CNTN4: variants seen among roughly 807,000 people sequenced by gnomAD.
CNTN4 encodes the protein contactin-4.
Under a neutral mutation model 122.5 loss-of-function variants are expected in CNTN4, and 77 were observed. That is an observed-to-expected ratio of 0.63 (90% CI 0.52 to 0.76). CNTN4 has a LOEUF of 0.76. Among genes scored for constraint, CNTN4 ranks in the 30% least tolerant of loss-of-function variants. The pLI, the probability that CNTN4 is intolerant of heterozygous loss-of-function variation, is 0.00. For synonymous variants in CNTN4, 512 were observed against 447.0 expected, an observed-to-expected ratio of 1.15 and a Z score of -1.83; for missense variants, 1,256 against 1,259.1, an observed-to-expected ratio of 1.00 and a Z score of 0.04.
rs535039060 is a variant in CNTN4, at chr3:2,297,997, G to C, written c.-144-41181G>C. Among the ~76,000 whole-genome samples, 22 of 152,328 alleles carry C rather than the reference G, an allele frequency of 1.4e-4. 1 individual carries two copies. In the East Asian group the frequency reaches 2.9e-3, roughly 20 times the overall value. On this transcript the variant is annotated intron_variant, in intron 2 of 24. Transcript: ENST00000418658. ...CCTGCCTGCCTTGGCCTCCCAAAGG[G>C]TTGGGTTTTCAGGTGTGAGCCAGCG...
intron 3 of CNTN4, among the ~76,000 whole-genome samples, chr3:2,539,900 C>T (rs906011345): frequency 1.3e-5 from 2 of 152,022 alleles, no homozygotes; most frequent in Non-Finnish European, 2.9e-5. Flanking sequence ...GGTGATTACT[C>T]AACTCTTGCA....
At position 2,820,961 on chromosome 3, in the gene CNTN4, C is replaced by CTTTTTTTTTTTTTTT. The variant is rs67731967; in HGVS notation, c.454+1384_454+1398dup. Among the ~76,000 whole-genome samples the CTTTTTTTTTTTTTTT allele has an allele frequency of 1.4e-3, 151 of 107,546 alleles. 3 individuals carry two copies. The highest frequency in any genetic ancestry group is 2.8e-3 in the African/African-American group (73 of 26,470). 70.6% of individuals were successfully genotyped at this position (107,546 alleles called of 152,430 possible). ...TTCTCACATGCAACATTTTCTCTTT[C>CTTTTTTTTTTTTTTT]TTTTTTTTTTTTTTTTTTGAGACAG... is the stretch of plus-strand genomic sequence containing the variant. On this transcript the variant is annotated intron_variant, in intron 7 of 24. Coordinates refer to ENST00000418658, the MANE Select transcript of CNTN4 (RefSeq NM_175607.3).
chr3:2,589,819 T>G (rs1290599480), intron 4 of CNTN4, among the ~76,000 whole-genome samples: 1 of 152,152 alleles, frequency 6.6e-6, no homozygotes, highest in East Asian at 1.9e-4. Flanking sequence ...CGCATGGAGC[T>G]CCCTATGGCT....
At chr3:2,284,915 C>G (rs1452746241) in intron 2 of CNTN4, among the ~76,000 whole-genome samples, 1 of 151,674 alleles carries the variant, frequency 6.6e-6, no homozygotes, top group Non-Finnish European at 1.5e-5. Context: ...AGGGAGATGA[C>G]TTGAAAAAAA....
At chr3:2,423,269 T>C (rs2047679778) in intron 3 of CNTN4, among the ~76,000 whole-genome samples, 1 of 152,206 alleles carries the variant, frequency 6.6e-6, no homozygotes, top group Admixed American at 6.5e-5. Flanking sequence ...CAGTCAAGTG[T>C]CAAATACAAA....
Position 2,929,513 on chromosome 3 carries a change from G to A in CNTN4, c.1358+3734G>A, listed in dbSNP as rs147685521. ...AAGTAAGAGAAACCCAACTCAAAAG[G>A]ACAAACGAGAATTCATTGGCTCATG... is the stretch of plus-strand genomic sequence containing the variant. On this transcript the variant is annotated intron_variant, in intron 13 of 24. Coordinates refer to ENST00000418658, the MANE Select transcript of CNTN4 (RefSeq NM_175607.3). 2.1e-3 allele frequency among the ~76,000 whole-genome samples: 325 copies of A among 152,248 alleles called. 8 individuals carry two copies. The highest frequency in any genetic ancestry group is 0.019 in the Admixed American group (296 of 15,304).
At chr3:2,201,983 A>T (rs58412404) in intron 2 of CNTN4, among the ~76,000 whole-genome samples, 6,542 of 152,284 alleles carry the variant, frequency 0.043, 265 homozygotes, top group African/African-American at 0.11. Context: ...TATATTAAAA[A>T]GGCTTAAATC....
intron 3 of CNTN4, among the ~76,000 whole-genome samples, chr3:2,509,374 G>T (rs1231973077): frequency 1.3e-5 from 2 of 152,106 alleles, no homozygotes; most frequent in African/African-American, 4.8e-5. Context: ...AAGAAAAAAA[G>T]AAACTGGTTA....
chr3:2,784,762 A>G (rs2091742909), intron 6 of CNTN4, among the ~76,000 whole-genome samples: 1 of 152,184 alleles, frequency 6.6e-6, no homozygotes, highest in Non-Finnish European at 1.5e-5. Context: ...TTAATCTCTG[A>G]ACTTCATTTC....
intron 5 of CNTN4, among the ~76,000 whole-genome samples, chr3:2,738,772 T>C (rs1032924979): frequency 6.6e-5 from 10 of 152,120 alleles, no homozygotes; most frequent in Admixed American, 2.6e-4. Context: ...TCCGAGTGTA[T>C]AGAAGACCTA....
In CNTN4 at chr3:2,603,046, TTTG is replaced by T. The variant is rs533127268; in HGVS notation, c.55+31494_55+31496del. ...GTTTTCTTCACTTACTTGACTGTAA[TTTG>T]TTGTTAAGATATATTTTGAAATTGT... is the stretch of plus-strand genomic sequence containing the variant. On this transcript the variant is annotated intron_variant, in intron 4 of 24. Transcript: ENST00000418658. 1.2e-4 allele frequency among the ~76,000 whole-genome samples: 19 copies of T among 152,294 alleles called. No individual in the cohort carries two copies. In the South Asian group the frequency reaches 3.7e-3, roughly 30 times the overall value.
chr3:2,156,268 C>A (rs2035714706), intron 2 of CNTN4, among the ~76,000 whole-genome samples: 1 of 152,160 alleles, frequency 6.6e-6, no homozygotes, highest in Non-Finnish European at 1.5e-5. Context: ...AAAAACGGAA[C>A]CATGGGAACC....
At chr3:2,200,984 G>C (rs1000092570) in intron 2 of CNTN4, among the ~76,000 whole-genome samples, 1 of 152,134 alleles carries the variant, frequency 6.6e-6, no homozygotes, top group African/African-American at 2.4e-5. Flanking sequence ...TTTTTAAAAG[G>C]AAGTAGTGGG....
chr3:2,103,514 T>C (rs548470540), intron 2 of CNTN4, among the ~76,000 whole-genome samples: 6 of 152,292 alleles, frequency 3.9e-5, no homozygotes, highest in Non-Finnish European at 7.3e-5. Context: ...TGTGGGAGTC[T>C]TGCGCTACCA....
chr3:2,482,655 T>C (rs1559594412), intron 3 of CNTN4, among the ~76,000 whole-genome samples: 1 of 152,110 alleles, frequency 6.6e-6, no homozygotes, highest in Non-Finnish European at 1.5e-5. Context: ...CTTAGGGACA[T>C]GGTGCCCTGC....
intron 14 of CNTN4, chr3:3,008,944 C>G: frequency 3.0e-6 from 3 of 985,286 alleles, no homozygotes; most frequent in Non-Finnish European, 3.6e-6. Context: ...AGAAGGGCGC[C>G]AAACCTTGGG....
chr3:2,438,840 T>C (rs575868923), intron 3 of CNTN4, among the ~76,000 whole-genome samples: 1 of 152,292 alleles, frequency 6.6e-6, no homozygotes, highest in Non-Finnish European at 1.5e-5. Context: ...CCATTTCTGA[T>C]TGACTGATCT....
intron 14 of CNTN4, among the ~76,000 whole-genome samples, chr3:3,001,778 G>T (rs1003039559): frequency 6.6e-6 from 1 of 152,124 alleles, no homozygotes; most frequent in African/African-American, 2.4e-5. Flanking sequence ...CCATGATGGG[G>T]ATTTGAGAAG....
chr3:2,170,052 T>G (rs1434119662), intron 2 of CNTN4, among the ~76,000 whole-genome samples: 1 of 152,118 alleles, frequency 6.6e-6, no homozygotes, highest in Non-Finnish European at 1.5e-5. Context: ...CCGGGCGCGG[T>G]GGCTCACGCC....
Sources: allele counts gnomAD v4.1 joint callset (sites outside exome capture counted in the v4.1 genomes callset), GRCh38; gene constraint gnomAD v4.1.1; transcripts MANE v1.5; gene names NCBI Gene and HGNC (gene_info 2026-07-23, HGNC 2026-07-21).